The following CRADD variants were observed in gnomAD, a reference collection of about 807,000 sequenced individuals.
CRADD encodes the protein CARD and death domain containing adaptor protein.
In CRADD, 9 loss-of-function variants were observed where a neutral mutation model predicts 15.5. The observed-to-expected ratio is 0.58, with a 90% CI of 0.35 to 1.01. The LOEUF (loss-of-function observed/expected upper bound fraction) is 1.01, where lower values mean the gene tolerates loss of function less well. CRADD is among the 50% of genes least tolerant of loss of function. The pLI, the probability that CRADD is intolerant of heterozygous loss-of-function variation, is 0.02. For missense variants in CRADD, 227 were observed against 250.3 expected (o/e 0.91, Z 0.63); for synonymous variants, 118 against 107.6 (o/e 1.10, Z -0.60).
chr12:93,790,484 AC>A (rs1160678351), intron 2 of CRADD, among the ~76,000 whole-genome samples: 1 of 123,186 alleles, frequency 8.1e-6, no homozygotes, highest in African/African-American at 3.1e-5. Flanking sequence ...AAAAAAAGAA[AC>A]TCAACTAAAG....
At chr12:93,834,381 A>G (rs1327468458) in intron 2 of CRADD, among the ~76,000 whole-genome samples, 1 of 152,230 alleles carries the variant, frequency 6.6e-6, no homozygotes, top group East Asian at 1.9e-4. Flanking sequence ...ATAGTCAAGT[A>G]TATAATATTT....
intron 2 of CRADD, among the ~76,000 whole-genome samples, chr12:93,794,182 T>C (rs2136988721): frequency 6.6e-6 from 1 of 152,296 alleles, no homozygotes; most frequent in East Asian, 1.9e-4. Context: ...ACAGCTGACC[T>C]CTAGCTGTTG....
intron 2 of CRADD, among the ~76,000 whole-genome samples, chr12:93,766,669 G>A (rs770866229): frequency 6.6e-5 from 10 of 152,202 alleles, no homozygotes; most frequent in Non-Finnish European, 1.0e-4. Flanking sequence ...ACTGGTCCTC[G>A]TGATTGGTCG....
chr12:93,738,056 T>TC, intron 2 of CRADD: 1 of 466,280 alleles, frequency 2.1e-6, no homozygotes, highest in Non-Finnish European at 3.7e-6. Context: ...CATAAACAGG[T>TC]CCCTTTCTAT....
chr12:93,714,948 T>C (rs745538260), intron 2 of CRADD: 2 of 152,192 alleles, frequency 1.3e-5, no homozygotes, highest in Non-Finnish European at 2.9e-5. Context: ...GGCATTTGTG[T>C]CAGCCAAAAA....
chr12:93,768,304 A>G (rs1344568219), intron 2 of CRADD, among the ~76,000 whole-genome samples: 2 of 152,260 alleles, frequency 1.3e-5, no homozygotes, highest in African/African-American at 2.4e-5. Context: ...CAAAGGATTC[A>G]ACATTCATAT....
intron 2 of CRADD, among the ~76,000 whole-genome samples, chr12:93,780,432 A>G (rs1268054582): frequency 1.3e-5 from 2 of 152,200 alleles, no homozygotes; most frequent in Non-Finnish European, 2.9e-5. Context: ...CAGATGAGAA[A>G]ACCGAGGCAC....
At position 93,768,272 on chromosome 12, in the gene CRADD, T is replaced by G. The variant is rs759913882; in HGVS notation, c.299-81698T>G. Among the ~76,000 whole-genome samples, 63 of 152,220 alleles carry G rather than the reference T, an allele frequency of 4.1e-4. 1 individual carries two copies. The highest frequency in any genetic ancestry group is 8.1e-4 in the Non-Finnish European group (55 of 68,040). The stretch of plus-strand genomic sequence containing the variant: ...GAGTAGGTGGAACAACTGAAAGATT[T>G]GAAAATAAATGTTAAAAGTCACAAA... On this transcript the variant is annotated intron_variant, in intron 2 of 2. Coordinates refer to ENST00000332896, the MANE Select transcript of CRADD (RefSeq NM_003805.5).
At chr12:93,711,529 C>A (rs1362887956) in intron 2 of CRADD, among the ~76,000 whole-genome samples, 2 of 152,102 alleles carry the variant, frequency 1.3e-5, no homozygotes, top group Non-Finnish European at 2.9e-5. Flanking sequence ...TGCCTCTTTA[C>A]CTCTTCTCTT....
chr12:93,836,846 G>C (rs1957977980), intron 2 of CRADD, among the ~76,000 whole-genome samples: 7 of 152,226 alleles, frequency 4.6e-5, no homozygotes. Flanking sequence ...CTGCCTGCGA[G>C]ACACTTACAT....
In CRADD at chr12:93,763,463, TC is replaced by T. The variant is rs575659497; in HGVS notation, c.298+84392del. Among the ~76,000 whole-genome samples the T allele has an allele frequency of 2.9e-3, 449 of 152,216 alleles. 4 individuals are homozygous for T. The highest frequency in any genetic ancestry group is 0.01 in the African/African-American group (429 of 41,550). On this transcript the variant is annotated intron_variant, in intron 2 of 2. Coordinates refer to ENST00000332896, the MANE Select transcript of CRADD (RefSeq NM_003805.5). ...GTCAATATTTTCTTCTTTTTTTTTTTCATGTGGATAAACTGCCTCCCTCATT... is the reference window on the plus strand; with the variant it reads ...GTCAATATTTTCTTCTTTTTTTTTTTATGTGGATAAACTGCCTCCCTCATT...
At chr12:93,714,277 G>T (rs1446899323) in intron 2 of CRADD, among the ~76,000 whole-genome samples, 2 of 152,186 alleles carry the variant, frequency 1.3e-5, no homozygotes, top group African/African-American at 4.8e-5. Flanking sequence ...CTGAGAATTT[G>T]TGACTTGATG....
chr12:93,860,934 GC>G (rs1029850148), intron 2 of CRADD, among the ~76,000 whole-genome samples: 13 of 152,260 alleles, frequency 8.5e-5, no homozygotes, highest in African/African-American at 2.4e-4. Context: ...CCTTATAAAA[GC>G]CCCCTCCTCT....
At chr12:93,678,266 C>T (rs1955203279) in intron 1 of CRADD, among the ~76,000 whole-genome samples, 1 of 152,222 alleles carries the variant, frequency 6.6e-6, no homozygotes, top group Non-Finnish European at 1.5e-5. Flanking sequence ...CTGTCCTGCA[C>T]TCCTATTACT....
intron 2 of CRADD, among the ~76,000 whole-genome samples, chr12:93,724,856 A>ATTC (rs1956325898): frequency 6.6e-6 from 1 of 151,252 alleles, no homozygotes; most frequent in South Asian, 2.1e-4. Context: ...TATTATTATT[A>ATTC]TTATCATTAT....
At chr12:93,784,084 G>A (rs1470313884) in intron 2 of CRADD, among the ~76,000 whole-genome samples, 6 of 152,074 alleles carry the variant, frequency 3.9e-5, no homozygotes, top group African/African-American at 1.2e-4. Context: ...CCTGCAGTGC[G>A]GTACTTCATG....
intron 2 of CRADD, among the ~76,000 whole-genome samples, chr12:93,737,237 C>A (rs1956587043): frequency 6.6e-6 from 1 of 152,136 alleles, no homozygotes; most frequent in Admixed American, 6.5e-5. Flanking sequence ...TACTATATTG[C>A]AAGTATGAAG....
At chr12:93,752,061 C>T (rs1170616913) in intron 2 of CRADD, among the ~76,000 whole-genome samples, 1 of 152,164 alleles carries the variant, frequency 6.6e-6, no homozygotes, top group East Asian at 1.9e-4. Context: ...TCTGTACTTG[C>T]CAAGGGTGGG....
intron 2 of CRADD, chr12:93,837,245 GTTTTTGTTTGTT>G (rs143884947): frequency 0.13 from 19,845 of 148,714 alleles, 1,707 homozygotes; most frequent in Non-Finnish European, 0.19. Flanking sequence ...TTCATTTCAC[GTTTTTGTTTGTT>G]TGTTTGTTTG....
Sources: allele counts gnomAD v4.1 joint callset (sites outside exome capture counted in the v4.1 genomes callset), GRCh38; gene constraint gnomAD v4.1.1; transcripts MANE v1.5; gene names NCBI Gene and HGNC (gene_info 2026-07-23, HGNC 2026-07-21).